The following SLC1A4 variants were observed in gnomAD, a reference collection of about 807,000 sequenced individuals.
SLC1A4 encodes the protein neutral amino acid transporter A.
Under a neutral mutation model 37.7 loss-of-function variants are expected in SLC1A4, and 19 were observed. The observed-to-expected ratio is 0.50, with a 90% CI of 0.35 to 0.74. SLC1A4 has a LOEUF of 0.74. Among genes scored for constraint, SLC1A4 ranks in the 30% least tolerant of loss-of-function variants. The pLI, the probability that SLC1A4 is intolerant of heterozygous loss-of-function variation, is 0.01. For synonymous variants in SLC1A4, 299 were observed against 309.8 expected (o/e 0.97, Z 0.37); for missense variants, 570 against 712.9 (o/e 0.80, Z 2.28).
chr2:64,992,877 T>C (rs867102446), intron 1 of SLC1A4, among the ~76,000 whole-genome samples: 4 of 152,204 alleles, frequency 2.6e-5, no homozygotes, highest in Admixed American at 1.3e-4. Context: ...AAAGTATGTG[T>C]GCACCGCTGA....
At chr2:64,992,395 G>C (rs966124042) in intron 1 of SLC1A4, among the ~76,000 whole-genome samples, 4 of 152,218 alleles carry the variant, frequency 2.6e-5, no homozygotes, top group Admixed American at 6.5e-5. Context: ...TCATAGCTTA[G>C]TAGTGTGGGT....
At position 64,989,848 on chromosome 2, in the gene SLC1A4, C is replaced by G. The variant is rs759302650; in HGVS notation, c.205C>G (p.Arg69Gly). The part of the protein sequence containing the change: ...GAALRGLSLS[R>G]TQVTYLAFPG... ...GGCGTTGCGCGGGCTCAGCCTGAGC[C>G]GCACGCAGGTCACCTACCTGGCCTT... The change falls in exon 1 of 8, where the codon CGC (arginine) becomes GGC (glycine). Residue 69 changes from arginine (R) to glycine (G), a missense_variant. Coordinates refer to ENST00000234256, the MANE Select transcript of SLC1A4 (RefSeq NM_003038.5). 4.5e-6 allele frequency: 7 copies of G among 1,538,604 alleles called. No individual in the cohort carries two copies. The South Asian group carries it at 6.0e-5, about 13-fold the overall frequency.
intron 3 of SLC1A4, among the ~76,000 whole-genome samples, chr2:65,004,970 T>C (rs1027508398): frequency 2.6e-5 from 4 of 152,262 alleles, no homozygotes; most frequent in African/African-American, 9.6e-5. Context: ...TTATGTCTCA[T>C]ACTAGTGACC....
At chr2:65,011,854 C>T (rs1475339452) in intron 4 of SLC1A4, among the ~76,000 whole-genome samples, 4 of 151,464 alleles carry the variant, frequency 2.6e-5, no homozygotes, top group South Asian at 2.1e-4. Flanking sequence ...CTACAACCTC[C>T]GCCTCCTGGG....
chr2:65,001,383 C>A, intron 1 of SLC1A4, 65 bp from the exon 2 acceptor site: 1 of 1,466,124 alleles, frequency 6.8e-7, no homozygotes, highest in Non-Finnish European at 9.5e-7. Flanking sequence ...GCCTGGGCAA[C>A]AGGGACCTCA....
chr2:65,000,764 T>TA (rs1373365826), intron 1 of SLC1A4: 5 of 152,190 alleles, frequency 3.3e-5, no homozygotes, highest in Non-Finnish European at 5.9e-5. Context: ...ATAAGGTTTT[T>TA]ATCTACACGT....
intron 4 of SLC1A4, chr2:65,011,406 A>T (rs1673911840): frequency 6.6e-6 from 1 of 151,260 alleles, no homozygotes; most frequent in Non-Finnish European, 1.5e-5. Flanking sequence ...AGCTGGGATT[A>T]CAGGCGTCCG....
intron 1 of SLC1A4, among the ~76,000 whole-genome samples, chr2:64,994,275 A>G (rs939955931): frequency 2.0e-5 from 3 of 152,238 alleles, no homozygotes; most frequent in Non-Finnish European, 4.4e-5. Flanking sequence ...TATGATCTCC[A>G]GTTGACCTCC....
chr2:64,990,838 G>A (rs920287630), intron 1 of SLC1A4, among the ~76,000 whole-genome samples: 1 of 152,218 alleles, frequency 6.6e-6, no homozygotes, highest in African/African-American at 2.4e-5. Context: ...TTGTGCGAAA[G>A]TGTGAGTTCT....
chr2:65,003,931 T>A (rs775944906), intron 2 of SLC1A4, 22 bp from the exon 3 acceptor site: 1 of 1,547,958 alleles, frequency 6.5e-7, no homozygotes, highest in Non-Finnish European at 8.8e-7. Flanking sequence ...AACAGTGGGT[T>A]TTTTTTTCCT....
At position 65,001,496 on chromosome 2, in the gene SLC1A4, G is replaced by T. The variant is rs1302357795; in HGVS notation, c.570+6G>T. On this transcript the variant is annotated splice_donor_region_variant and intron_variant, in intron 2 of 7. Transcript: ENST00000234256. ...TGGTTGCAGCTTTCCGTACGGTAAG[G>T]CTTGATACTTTGCTAAAAATATGAA... is the stretch of plus-strand genomic sequence containing the variant. 5 of 1,612,724 alleles carry T rather than the reference G, an allele frequency of 3.1e-6. No individual in the cohort carries two copies. Among genetic ancestry groups the T allele is most frequent in the Non-Finnish European group, 4.2e-6 (5 of 1,178,772 alleles).
rs145448004 is a variant in SLC1A4 at position 65,021,337 on chromosome 2, A to T, written c.*191A>T. The T allele has an allele frequency of 1.1e-3, 667 of 593,220 alleles. 5 individuals are homozygous for T. The African/African-American group carries it at 0.011, about 10-fold the overall frequency. 36.7% of individuals were successfully genotyped at this position (593,220 alleles called of 1,614,324 possible). A position where few individuals can be genotyped will look rare whatever the true frequency, so the allele number is the denominator to read the frequency against. ...CCCCAGCCGGAACTGGTTACCAAGG[A>T]CAAGGACACTCTGACATTCGGCTTG... is the stretch of plus-strand genomic sequence containing the variant. On this transcript the variant is annotated 3_prime_UTR_variant, in exon 8 of 8. Transcript: ENST00000234256.
rs1674240893 is a variant in SLC1A4, at chr2:65,018,196, G to A, written c.1160G>A (p.Cys387Tyr). The change falls in exon 6 of 8, where the codon TGT becomes TAT. Residue 387 changes from cysteine to tyrosine, a missense_variant. Physicochemically the swap from Cys to Tyr is radical, Grantham distance 194. Coordinates refer to ENST00000234256, the MANE Select transcript of SLC1A4 (RefSeq NM_003038.5). This position sits in a 1 kb window ranked among gnomAD's most constrained non-coding sequence, Gnocchi z 4.3. Reference protein sequence around the residue: ...VNMDGAAIFQCVAAVFIAQLN... With the variant: ...VNMDGAAIFQYVAAVFIAQLN... ...ATGGACGGAGCAGCCATCTTCCAGT[G>A]TGTGGCCGCGGTGTTCATTGCGCAA... is the stretch of plus-strand genomic sequence containing the variant. The A allele has an allele frequency of 6.2e-7, 1 of 1,614,150 alleles. No homozygotes were observed. Among genetic ancestry groups the A allele is most frequent in the Non-Finnish European group, 8.5e-7 (1 of 1,180,024 alleles).
intron 3 of SLC1A4, among the ~76,000 whole-genome samples, chr2:65,008,227 A>T (rs1299985689): frequency 6.6e-6 from 1 of 152,198 alleles, no homozygotes; most frequent in Non-Finnish European, 1.5e-5. Flanking sequence ...ATAGAATCCT[A>T]GTAGGCCAGT....
In SLC1A4 at chr2:64,992,777, C is replaced by T. The variant is rs903075098; in HGVS notation, c.527+2607C>T. Among the ~76,000 whole-genome samples, 33 of 152,038 alleles carry T rather than the reference C, an allele frequency of 2.2e-4. 1 individual carries two copies. The highest frequency in any genetic ancestry group is 1.8e-3 in the Admixed American group (28 of 15,266). ...TATCTCAGAAATGCTTTCTCTGGGC[C>T]CAGAGAGGAACCAGGTAGGCATATG... is the stretch of plus-strand genomic sequence containing the variant. On this transcript the variant is annotated intron_variant, in intron 1 of 7. Coordinates refer to ENST00000234256, the MANE Select transcript of SLC1A4 (RefSeq NM_003038.5).
At chr2:64,993,114 A>G (rs1458035131) in intron 1 of SLC1A4, among the ~76,000 whole-genome samples, 4 of 152,240 alleles carry the variant, frequency 2.6e-5, no homozygotes, top group Non-Finnish European at 4.4e-5. Flanking sequence ...CTCTGCCAGT[A>G]AACGCCTCAG....
At position 65,008,989 on chromosome 2, in the gene SLC1A4, G is replaced by A. The variant is rs141309524; in HGVS notation, c.634-1608G>A. On this transcript the variant is annotated intron_variant, in intron 3 of 7. Coordinates refer to ENST00000234256, the MANE Select transcript of SLC1A4 (RefSeq NM_003038.5). ...CCAATGCTCCTTAATTACTATTGCC[G>A]CTGCTCCTCTATAAGTGATATCTAT... Among the ~76,000 whole-genome samples the A allele has an allele frequency of 4.9e-3, 741 of 152,282 alleles. 6 individuals carry two copies. The highest frequency in any genetic ancestry group is 0.016 in the African/African-American group (671 of 41,560).
In SLC1A4 at chr2:65,001,646, T is replaced by TA. The variant is rs577745754; in HGVS notation, c.570+162dup. Among the ~76,000 whole-genome samples the TA allele has an allele frequency of 2.2e-4, 33 of 152,170 alleles. No homozygotes were observed. In the East Asian group the frequency reaches 2.7e-3, roughly 12 times the overall value. On this transcript the variant is annotated intron_variant, in intron 2 of 7. Transcript: ENST00000234256. ...ACTTTTATCAATGGGTACCTAGAGT[T>TA]AAAAAACAACAACAATAAAATAAAT...
intron 3 of SLC1A4, 51 bp from the exon 4 acceptor site, chr2:65,010,546 T>A: frequency 1.4e-6 from 2 of 1,474,974 alleles, no homozygotes; most frequent in Non-Finnish European, 1.8e-6. Context: ...AATACATCTT[T>A]AATTCTCACT....
Sources: gnomAD v4.1 joint callset for allele counts (sites outside exome capture counted in the v4.1 genomes callset) on GRCh38, gnomAD v4.1.1 for gene constraint, Gnocchi (gnomAD v3.1) non-coding constraint, MANE v1.5 for transcripts, NCBI Gene and HGNC (gene_info 2026-07-23, HGNC 2026-07-21) for gene names.